The following PHACTR1 variants were observed in gnomAD, a reference collection of about 807,000 sequenced individuals.
PHACTR1 encodes the protein phosphatase and actin regulator 1, also known as RPEL repeat containing 1.
A neutral mutation model predicts 69.2 loss-of-function variants in PHACTR1; 16 were observed. The ratio of observed to expected loss-of-function variants is 0.23; its 90% confidence interval spans 0.16 to 0.35. The LOEUF (loss-of-function observed/expected upper bound fraction) is 0.35, where lower values mean the gene tolerates loss of function less well. PHACTR1 is among the 10% of genes least tolerant of loss of function. The pLI is 1.00. For missense variants in PHACTR1, 510 were observed against 734.7 expected, an observed-to-expected ratio of 0.69 and a Z score of 3.54; for synonymous variants, 312 against 284.5, an observed-to-expected ratio of 1.10 and a Z score of -0.97.
At chr6:13,181,678 C>T (rs1412707480) in intron 6 of PHACTR1, among the ~76,000 whole-genome samples, 1 of 152,082 alleles carries the variant, frequency 6.6e-6, no homozygotes, top group Non-Finnish European at 1.5e-5. Flanking sequence ...CTGGCACTTC[C>T]CAGCATCGCT....
chr6:13,071,217 A>G (rs1182012405), intron 5 of PHACTR1, among the ~76,000 whole-genome samples: 1 of 152,120 alleles, frequency 6.6e-6, no homozygotes, highest in African/African-American at 2.4e-5. Context: ...ACCTGAGGTC[A>G]GGAGTTCGAG....
chr6:13,037,630 G>A (rs1363464334), intron 4 of PHACTR1, among the ~76,000 whole-genome samples: 1 of 152,196 alleles, frequency 6.6e-6, no homozygotes, highest in Non-Finnish European at 1.5e-5. Context: ...AGTGATTGGA[G>A]ATGGGACAGA....
intron 4 of PHACTR1, among the ~76,000 whole-genome samples, chr6:12,803,487 G>A (rs771438927): frequency 2.0e-5 from 3 of 152,136 alleles, no homozygotes; most frequent in African/African-American, 7.2e-5. Flanking sequence ...TCACAAAAAC[G>A]TGCCAAAACC....
intron 4 of PHACTR1, among the ~76,000 whole-genome samples, chr6:12,853,648 C>T (rs944689387): frequency 1.3e-5 from 2 of 152,182 alleles, no homozygotes; most frequent in Non-Finnish European, 2.9e-5. Flanking sequence ...AATCATGGTG[C>T]AAGGCTCCTC....
chr6:13,058,213 C>T (rs994893915), intron 5 of PHACTR1, among the ~76,000 whole-genome samples: 2 of 152,186 alleles, frequency 1.3e-5, no homozygotes, highest in Non-Finnish European at 1.5e-5. Context: ...TAGTCAACTG[C>T]AGCGATCTTA....
At chr6:12,780,512 G>A (rs1423359147) in intron 4 of PHACTR1, among the ~76,000 whole-genome samples, 1 of 152,156 alleles carries the variant, frequency 6.6e-6, no homozygotes, top group African/African-American at 2.4e-5. Flanking sequence ...ATTTATCACA[G>A]AGTAAATCTT....
chr6:12,986,038 G>A (rs566795998), intron 4 of PHACTR1, among the ~76,000 whole-genome samples: 2 of 152,118 alleles, frequency 1.3e-5, no homozygotes, highest in Non-Finnish European at 2.9e-5. Context: ...ATTTCACCAT[G>A]TTAGCCAGGC....
At chr6:13,043,851 C>G (rs1804594996) in intron 4 of PHACTR1, among the ~76,000 whole-genome samples, 1 of 152,160 alleles carries the variant, frequency 6.6e-6, no homozygotes, top group Non-Finnish European at 1.5e-5. Context: ...TTTGGATTAA[C>G]ACAAGACTTG....
At chr6:13,091,778 A>G (rs962169489) in intron 5 of PHACTR1, among the ~76,000 whole-genome samples, 4 of 152,092 alleles carry the variant, frequency 2.6e-5, no homozygotes, top group Admixed American at 2.6e-4. Context: ...GATCCCTTGC[A>G]TGCGCAGTTC....
intron 5 of PHACTR1, among the ~76,000 whole-genome samples, chr6:13,107,855 A>G (rs912176949): frequency 3.3e-5 from 5 of 152,062 alleles, no homozygotes; most frequent in African/African-American, 1.2e-4. Flanking sequence ...TTCTAGAAAG[A>G]AAATGAATGA....
At chr6:13,201,465 C>T (rs1170513888) in intron 7 of PHACTR1, among the ~76,000 whole-genome samples, 1 of 152,128 alleles carries the variant, frequency 6.6e-6, no homozygotes. Flanking sequence ...CAGACAGAGT[C>T]ATACTTGGAC....
chr6:12,988,219 C>T (rs920038391), intron 4 of PHACTR1, among the ~76,000 whole-genome samples: 4 of 152,162 alleles, frequency 2.6e-5, no homozygotes, highest in South Asian at 4.1e-4. Context: ...GTACCATTTC[C>T]GTCAGAGCTT....
intron 5 of PHACTR1, among the ~76,000 whole-genome samples, chr6:13,100,193 A>C (rs1249296434): frequency 1.3e-5 from 2 of 152,256 alleles, no homozygotes; most frequent in Non-Finnish European, 2.9e-5. Context: ...TGTTAAGTTT[A>C]GTATAAGTTT....
At chr6:12,885,305 CA>C (rs1195716675) in intron 4 of PHACTR1, among the ~76,000 whole-genome samples, 1 of 152,206 alleles carries the variant, frequency 6.6e-6, no homozygotes, top group African/African-American at 2.4e-5. Context: ...AGGCTGTCCT[CA>C]AGCATCTGTC....
At chr6:13,231,015 GAAGGA>G (rs1770823091) in intron 10 of PHACTR1, among the ~76,000 whole-genome samples, 1 of 142,564 alleles carries the variant, frequency 7.0e-6, no homozygotes, top group African/African-American at 2.7e-5. Flanking sequence ...GAGAGAGAGA[GAAGGA>G]AAGAAAGAAA....
intron 4 of PHACTR1, among the ~76,000 whole-genome samples, chr6:12,910,896 G>A (rs142595256): frequency 6.6e-6 from 1 of 152,336 alleles, no homozygotes; most frequent in East Asian, 1.9e-4. Context: ...GATGGGACAT[G>A]TACACATAGA....
chr6:13,111,889 CT>C (rs1817096593), intron 5 of PHACTR1, among the ~76,000 whole-genome samples: 1 of 151,698 alleles, frequency 6.6e-6, no homozygotes, highest in Non-Finnish European at 1.5e-5. Context: ...TTTTTTTTAA[CT>C]GTTAAGTTCA....
At chr6:13,284,179 G>C (rs755168973) in intron 13 of PHACTR1, among the ~76,000 whole-genome samples, 35 of 152,070 alleles carry the variant, frequency 2.3e-4, no homozygotes, top group Non-Finnish European at 3.8e-4. Flanking sequence ...TCTGATTCTA[G>C]TCTGGTCACC....
intron 4 of PHACTR1, among the ~76,000 whole-genome samples, chr6:13,040,850 G>T (rs925696260): frequency 6.6e-6 from 1 of 152,088 alleles, no homozygotes. Flanking sequence ...ATTTTTTGTA[G>T]TTAAGGAAAT....
Sources: allele counts gnomAD v4.1 joint callset (sites outside exome capture counted in the v4.1 genomes callset), GRCh38; gene constraint gnomAD v4.1.1; transcripts MANE v1.5; gene names NCBI Gene and HGNC (gene_info 2026-07-23, HGNC 2026-07-21).